GOLGA6L1: variants seen among roughly 807,000 people sequenced by gnomAD.
GOLGA6L1 encodes golgin subfamily A member 6-like protein 1.
Under a neutral mutation model 23.6 loss-of-function variants are expected in GOLGA6L1, and 2 were observed. The ratio of observed to expected loss-of-function variants is 0.08; its 90% CI spans 0.03 to 0.27. The LOEUF is 0.27. GOLGA6L1 is among the 10% of genes least tolerant of loss of function. GOLGA6L1 has a pLI of 1.00. For synonymous variants in GOLGA6L1, 4 were observed against 49.8 expected, an observed-to-expected ratio of 0.08 and a Z score of 3.87; for missense variants, 15 against 172.9, an observed-to-expected ratio of 0.09 and a Z score of 5.12.
In GOLGA6L1 at chr15:23,129,932, CTGGTCG is replaced by C; in HGVS notation, c.1515_1520del (p.His505_Asp506del). 1 of 729,816 alleles carries C rather than the reference CTGGTCG, an allele frequency of 1.4e-6. No individual in the cohort carries two copies. Among genetic ancestry groups the C allele is most frequent in the African/African-American group, 1.8e-5 (1 of 56,264 alleles). 45.2% of individuals were successfully genotyped at this position (729,816 alleles called of 1,614,324 possible). On this transcript the variant is annotated inframe_deletion, in exon 8 of 9. Transcript: ENST00000614055. Reference sequence around the variant, plus strand: ...CCTCCTGCTCCCGTATCTTCTCCTCCTGGTCGTGCATCTTCTCCTCCTGCCTCCACA... The same window carrying C: ...CCTCCTGCTCCCGTATCTTCTCCTCCTGCATCTTCTCCTCCTGCCTCCACA...
chr15:23,130,965 A>G (rs1180263835), intron 7 of GOLGA6L1, among the ~76,000 whole-genome samples: 1 of 112,962 alleles, frequency 8.9e-6, no homozygotes, highest in African/African-American at 3.1e-5. Context: ...CGGGGGGTGG[A>G]GCTTGCAGTG....
At chr15:23,133,770 C>G in intron 2 of GOLGA6L1, 97 bp from the exon 3 acceptor site, 1 of 162,420 alleles carries the variant, frequency 6.2e-6, no homozygotes, top group East Asian at 2.8e-4. Flanking sequence ...CAGAACAGGC[C>G]CACCCATGGG....
At chr15:23,132,914 TACTC>T (rs2068240374) in intron 5 of GOLGA6L1, among the ~76,000 whole-genome samples, 1 of 148,548 alleles carries the variant, frequency 6.7e-6, no homozygotes, top group Admixed American at 6.7e-5. Flanking sequence ...AATAATAACA[TACTC>T]AAGATACTCT....
Position 23,127,529 on chromosome 15 carries a change from AGGAGCTCGAGACCAGCCT to A in GOLGA6L1, c.*1243_*1260del, listed in dbSNP as rs2068170427. 7.1e-6 allele frequency among the ~76,000 whole-genome samples: 1 copy of A among 140,294 alleles called. No individual in the cohort carries two copies. Among genetic ancestry groups the A allele is most frequent in the African/African-American group, 2.6e-5 (1 of 39,000 alleles). The allele number at this position is 140,294 out of a possible 152,430, so 92.0% of individuals were successfully genotyped here. A position where few individuals can be genotyped will look rare whatever the true frequency, so the allele number is the denominator to read the frequency against. On this transcript the variant is annotated 3_prime_UTR_variant, in exon 9 of 9. Transcript: ENST00000614055. Reference sequence around the variant, plus strand: ...CTGAGGCAGGTAGATCACCTGAGTCAGGAGCTCGAGACCAGCCTGGAAAACATGGTGACATCCTGCCTC... The same window carrying A: ...CTGAGGCAGGTAGATCACCTGAGTCAGGAAAACATGGTGACATCCTGCCTC...
chr15:23,132,906 T>TA (rs2058429776), intron 5 of GOLGA6L1, among the ~76,000 whole-genome samples: 1 of 147,760 alleles, frequency 6.8e-6, no homozygotes, highest in Admixed American at 6.8e-5. Flanking sequence ...TCCACACAAA[T>TA]AATAACATAC....
At chr15:23,133,976 CAAAG>C (rs1445668178) in intron 2 of GOLGA6L1, among the ~76,000 whole-genome samples, 1 of 12,528 alleles carries the variant, frequency 8.0e-5, no homozygotes, top group Non-Finnish European at 1.2e-4. Context: ...TGGGGAGAGT[CAAAG>C]GAAGGTGACT....
At position 23,127,630 on chromosome 15, in the gene GOLGA6L1, TGAGGCAGGAGAATTGCTTGAACCCAG is replaced by T. The variant is rs1237605991; in HGVS notation, c.*1134_*1159del. 6.7e-6 allele frequency among the ~76,000 whole-genome samples: 1 copy of T among 150,170 alleles called. No individual in the cohort carries two copies. The highest frequency in any genetic ancestry group is 1.5e-5 in the Non-Finnish European group (1 of 67,246). ...TGGTGGCACACGCTACGCGGGAAGC[TGAGGCAGGAGAATTGCTTGAACCCAG>T]GAGGCAGAGGTTACAGTGAGCAGAG... On this transcript the variant is annotated 3_prime_UTR_variant, in exon 9 of 9. Transcript: ENST00000614055.
At chr15:23,131,068 A>G (rs2068223003) in intron 7 of GOLGA6L1, among the ~76,000 whole-genome samples, 1 of 140,076 alleles carries the variant, frequency 7.1e-6, no homozygotes, top group Non-Finnish European at 1.6e-5. Context: ...TAAATAAATA[A>G]ATGTAATCTA....
chr15:23,129,780 T>A lies in GOLGA6L1; in HGVS notation c.1673A>T (p.Glu558Val), dbSNP rs1211323891. The A allele has an allele frequency of 1.3e-6, 1 of 789,860 alleles. No individual in the cohort carries two copies. The highest frequency in any genetic ancestry group is 3.0e-5 in the East Asian group (1 of 32,890). 48.9% of individuals were successfully genotyped at this position (789,860 alleles called of 1,614,324 possible). The change falls in exon 8 of 9, where the codon GAG becomes GTG. Residue 558 changes from glutamate (E) to valine (V), a missense_variant. Glu to Val is a moderately radical substitution (Grantham distance 121). Coordinates refer to ENST00000614055, the MANE Select transcript of GOLGA6L1 (RefSeq NM_001001413.3). ...CATCTTCTCCTGTTCTTGCATCTTCTCTTCCTGCTCCCCCATCTTCTCTTC... is the reference window on the plus strand; with the variant it reads ...CATCTTCTCCTGTTCTTGCATCTTCACTTCCTGCTCCCCCATCTTCTCTTC... ...EQEEKMGEQE[E>V]KMQEQEKMRR...
At chr15:23,129,186 C>CCCCTGG (rs1412291789) in intron 8 of GOLGA6L1, among the ~76,000 whole-genome samples, 1 of 19,146 alleles carries the variant, frequency 5.2e-5, no homozygotes. Flanking sequence ...CCTACCCAGG[C>CCCCTGG]CCCTGGCCCT....
Position 23,136,716 on chromosome 15 carries a change from G to GGGTAGGGA in GOLGA6L1, c.15_16insTCCCTACC (p.Gln6SerfsTer48). ...TGGGGATGGGTAGGGAGGTGGGGTT[G>GGGTAGGGA]GGGCCACATCAGCATGATCCAGGTG... On this transcript the variant is annotated frameshift_variant, in exon 1 of 9. Coordinates refer to ENST00000614055, the MANE Select transcript of GOLGA6L1 (RefSeq NM_001001413.3). LOFTEE classifies it high-confidence loss of function. 4.8e-6 allele frequency: 1 copy of GGGTAGGGA among 207,202 alleles called. No individual in the cohort carries two copies. The allele number at this position is 207,202 out of a possible 1,614,324, so 12.8% of individuals were successfully genotyped here. A position where few individuals can be genotyped will look rare whatever the true frequency, so the allele number is the denominator to read the frequency against.
chr15:23,131,108 TA>T (rs1289257610), intron 7 of GOLGA6L1, among the ~76,000 whole-genome samples: 2 of 128,034 alleles, frequency 1.6e-5, no homozygotes, highest in Admixed American at 8.6e-5. Context: ...CATGATCCTT[TA>T]AAAAAATATT....
chr15:23,132,576 A>G (rs1328646108), intron 5 of GOLGA6L1, among the ~76,000 whole-genome samples: 1 of 149,034 alleles, frequency 6.7e-6, no homozygotes, highest in Non-Finnish European at 1.5e-5. Context: ...TGTGTAGATG[A>G]AAAACATGCG....
At chr15:23,135,657 GTTAAAA>G (rs1444112436) in intron 1 of GOLGA6L1, among the ~76,000 whole-genome samples, 18 of 9,392 alleles carry the variant, frequency 1.9e-3, no homozygotes, top group African/African-American at 5.0e-3. Context: ...GAGAAAAAAT[GTTAAAA>G]TCTCTCTGGA....
rs1165087928 is a variant in GOLGA6L1 at position 23,129,952 on chromosome 15, C to G, written c.1501G>C (p.Glu501Gln). ...RKQEEKVWRQ[E>Q]EKMHDQEEKI... ...TCCTCCTGGTCGTGCATCTTCTCCT[C>G]CTGCCTCCACACCTTCTCCTCCTGC... is the stretch of plus-strand genomic sequence containing the variant. Residue 501 changes from glutamate (E) to glutamine (Q), a missense_variant, in exon 8 of 9, where the codon GAG becomes CAG. Glu to Gln is a conservative substitution (Grantham distance 29, BLOSUM62 2). Transcript: ENST00000614055. 1 of 651,214 alleles carries G rather than the reference C, an allele frequency of 1.5e-6. No homozygotes were observed. The highest frequency in any genetic ancestry group is 1.8e-5 in the South Asian group (1 of 55,914). The allele number at this position is 651,214 out of a possible 1,614,324, so 40.3% of individuals were successfully genotyped here.
chr15:23,129,784 C>G lies in GOLGA6L1; in HGVS notation c.1669G>C (p.Glu557Gln). The stretch of plus-strand genomic sequence containing the variant: ...TTCTCCTGTTCTTGCATCTTCTCTT[C>G]CTGCTCCCCCATCTTCTCTTCCTGT... ...QEQEEKMGEQ[E>Q]EKMQEQEKMR... is the part of the protein sequence containing the mutation. The change falls in exon 8 of 9, where the codon GAA becomes CAA. Residue 557 changes from glutamate (E) to glutamine (Q), a missense_variant. Physicochemically the swap from Glu to Gln is conservative, Grantham distance 29 (BLOSUM62 2). Coordinates refer to ENST00000614055, the MANE Select transcript of GOLGA6L1 (RefSeq NM_001001413.3). 1 of 811,808 alleles carries G rather than the reference C, an allele frequency of 1.2e-6. No homozygotes were observed. The highest frequency in any genetic ancestry group is 2.0e-6 in the Non-Finnish European group (1 of 502,850). 50.3% of individuals were successfully genotyped at this position (811,808 alleles called of 1,614,324 possible). A position where few individuals can be genotyped will look rare whatever the true frequency, so the allele number is the denominator to read the frequency against.
At position 23,136,770 on chromosome 15, in the gene GOLGA6L1, T is replaced by C. The variant is rs2068262514; in HGVS notation, c.-39A>G. ...ACAAGTATATACCTCCAGTCACCTC[T>C]ACGTCGCTGTGTGACTGAGCCAGAG... On this transcript the variant is annotated 5_prime_UTR_variant, in exon 1 of 9. Coordinates refer to ENST00000614055, the MANE Select transcript of GOLGA6L1 (RefSeq NM_001001413.3). 7.2e-6 allele frequency: 1 copy of C among 137,944 alleles called. No homozygotes were observed. Among genetic ancestry groups the C allele is most frequent in the African/African-American group, 2.4e-4 (1 of 4,086 alleles). The allele number at this position is 137,944 out of a possible 1,614,324, so 8.5% of individuals were successfully genotyped here.
At chr15:23,130,866 T>C (rs751218815) in intron 7 of GOLGA6L1, among the ~76,000 whole-genome samples, 194 bp from the exon 8 acceptor site, 5,880 of 62,500 alleles carry the variant, frequency 0.094, 41 homozygotes, top group East Asian at 0.17. Flanking sequence ...CCGTCTCTAC[T>C]AAAAATACAA....
chr15:23,131,126 C>T (rs1369859045), intron 7 of GOLGA6L1, among the ~76,000 whole-genome samples: 1 of 113,020 alleles, frequency 8.8e-6, no homozygotes, highest in African/African-American at 3.1e-5. Context: ...TATTTTTAAG[C>T]CCTAACTCTT....
Sources: gnomAD v4.1 joint callset for allele counts (sites outside exome capture counted in the v4.1 genomes callset) on GRCh38, gnomAD v4.1.1 for gene constraint, MANE v1.5 for transcripts, NCBI Gene and HGNC (gene_info 2026-07-23, HGNC 2026-07-21) for gene names.